Variants in NFIA observed in about 807,000 individuals in gnomAD.
NFIA encodes the protein nuclear factor I A, also known as nuclear factor 1 A-type.
NFIA carries 8 observed loss-of-function variants against 62.8 expected under a neutral mutation model. That is an observed-to-expected ratio of 0.13 (90% CI 0.07 to 0.23). NFIA has a LOEUF of 0.23. Among genes scored for constraint, NFIA ranks in the 10% least tolerant of loss-of-function variants. The pLI is 1.00. For synonymous variants in NFIA, 235 were observed against 238.1 expected (o/e 0.99, Z 0.12); for missense variants, 410 against 642.1 (o/e 0.64, Z 3.91).
rs1646268215 is a variant in NFIA at position 61,088,953 on chromosome 1, A to G, written c.559+273A>G. ...TGATATGTTTAAATCACATTTTTTG[A>G]TGAGGGGATGAGAGAAGCCTCGTGA... is the stretch of plus-strand genomic sequence containing the variant. On this transcript the variant is annotated intron_variant, in intron 2 of 10. Coordinates refer to ENST00000403491, the MANE Select transcript of NFIA (RefSeq NM_001134673.4). This position sits in a 1 kb window ranked among gnomAD's most constrained non-coding sequence, Gnocchi z 4.5. Among the ~76,000 whole-genome samples, 1 of 152,204 alleles carries G rather than the reference A, an allele frequency of 6.6e-6. No individual in the cohort carries two copies. The highest frequency in any genetic ancestry group is 1.5e-5 in the Non-Finnish European group (1 of 68,034).
rs1665712349 is a variant in NFIA at position 61,404,268 on chromosome 1, G to T, written c.1240G>T (p.Val414Leu). 1 of 1,609,098 alleles carries T rather than the reference G, an allele frequency of 6.2e-7. No individual in the cohort carries two copies. Among genetic ancestry groups the T allele is most frequent in the African/African-American group, 1.3e-5 (1 of 74,596 alleles). The change falls in exon 8 of 11, where the codon GTG (valine) becomes TTG (leucine). Residue 414 changes from valine to leucine, a missense_variant. Around this residue, in one of 3 missense-constraint regions of NFIA, gnomAD observed 298 missense variants for 438.1 expected, o/e 0.68. Coordinates refer to ENST00000403491, the MANE Select transcript of NFIA (RefSeq NM_001134673.4). ...TGATGCTGGTCAGCAGGCTGGACAG[G>T]TGGGGTTCCTCAATGTAAGGAAACC... is the stretch of plus-strand genomic sequence containing the variant. ...CPDAGQQAGQ[V>L]GFLNPNGSSQ... is the part of the protein sequence containing the mutation.
Position 61,173,544 on chromosome 1 carries a change from A to G in NFIA, c.559+84864A>G, listed in dbSNP as rs533511528. Among the ~76,000 whole-genome samples the G allele has an allele frequency of 2.0e-5, 3 of 152,032 alleles. No homozygotes were observed. The South Asian group carries it at 6.2e-4, about 32-fold the overall frequency. On this transcript the variant is annotated intron_variant, in intron 2 of 10. Transcript: ENST00000403491. ...CTGGGATTACAGACATTGCACCACT[A>G]TGCCCTGCTAATTTTTTTGTATTTT...
chr1:61,279,693 C>A (rs1397994134), intron 3 of NFIA, among the ~76,000 whole-genome samples: 1 of 152,164 alleles, frequency 6.6e-6, no homozygotes, highest in Non-Finnish European at 1.5e-5. Context: ...CTCTAGCAGG[C>A]CTGTGATTCA....
At chr1:61,439,542 C>T (rs115713746) in intron 10 of NFIA, 34 of 152,252 alleles carry the variant, frequency 2.2e-4, no homozygotes, top group African/African-American at 5.8e-4. Flanking sequence ...CTCCCTATCT[C>T]GCTGCTTTGG....
At chr1:61,417,696 G>A (rs1433387547) in intron 9 of NFIA, among the ~76,000 whole-genome samples, 3 of 152,032 alleles carry the variant, frequency 2.0e-5, no homozygotes, top group African/African-American at 7.2e-5. Flanking sequence ...TTGTTGGAAG[G>A]CAAATGTGTT....
intron 2 of NFIA, among the ~76,000 whole-genome samples, chr1:61,133,650 A>G (rs1205242006): frequency 6.6e-6 from 1 of 152,220 alleles, no homozygotes. Context: ...TTAATCAAGA[A>G]TATATTGTTG....
intron 7 of NFIA, among the ~76,000 whole-genome samples, chr1:61,400,585 TA>T (rs1665502731): frequency 6.6e-6 from 1 of 152,342 alleles, no homozygotes; most frequent in Non-Finnish European, 1.5e-5. Context: ...ATGCACATTT[TA>T]AAGGATCTAA....
At chr1:61,358,453 C>A (rs1184685009) in intron 5 of NFIA, among the ~76,000 whole-genome samples, 1 of 130,068 alleles carries the variant, frequency 7.7e-6, no homozygotes, top group African/African-American at 3.0e-5. Flanking sequence ...GTGGCACGAT[C>A]TCGGCTCACT....
chr1:61,095,100 T>G (rs1034295099), intron 2 of NFIA, among the ~76,000 whole-genome samples: 5 of 152,252 alleles, frequency 3.3e-5, no homozygotes, highest in African/African-American at 1.2e-4. Flanking sequence ...GAGATTGAAG[T>G]GGAATAACTG....
At position 61,088,422 on chromosome 1, in the gene NFIA, C is replaced by T. The variant is rs1204944742; in HGVS notation, c.301C>T (p.Pro101Ser). 6.2e-7 allele frequency: 1 copy of T among 1,613,956 alleles called. No individual in the cohort carries two copies. The highest frequency in any genetic ancestry group is 8.5e-7 in the Non-Finnish European group (1 of 1,179,990). Residue 101 changes from proline (P) to serine (S), a missense_variant, in exon 2 of 11, where the codon CCA (proline) becomes TCA (serine). Coordinates refer to ENST00000403491, the MANE Select transcript of NFIA (RefSeq NM_001134673.4). This position sits in a 1 kb window ranked among gnomAD's most constrained non-coding sequence, Gnocchi z 4.5. ...TCTTACAGTTACAGGGAAAAAACCT[C>T]CATGTTGTGTTCTTTCCAACCCAGA... ...FVLTVTGKKP[P>S]CCVLSNPDQK... is the part of the protein sequence containing the mutation.
rs1344352252 is a variant in NFIA at position 61,421,704 on chromosome 1, G to A, written c.1421-4761G>A. The stretch of plus-strand genomic sequence containing the variant: ...AGCCTCAGGTGAAACCAGCCACTTA[G>A]CCTCCTTCTGGGCACCCTGTGGGTA... On this transcript the variant is annotated intron_variant, in intron 9 of 10. Coordinates refer to ENST00000403491, the MANE Select transcript of NFIA (RefSeq NM_001134673.4). 5.9e-5 allele frequency among the ~76,000 whole-genome samples: 9 copies of A among 152,330 alleles called. No individual in the cohort carries two copies. In the East Asian group the frequency reaches 1.4e-3, roughly 23 times the overall value.
At chr1:61,332,253 A>G (rs187821232) in intron 3 of NFIA, among the ~76,000 whole-genome samples, 117 of 152,300 alleles carry the variant, frequency 7.7e-4, no homozygotes, top group Admixed American at 2.7e-3. Flanking sequence ...CTTTTGTTTC[A>G]TATTTCCGGT....
At chr1:61,112,878 A>T (rs1183186455) in intron 2 of NFIA, among the ~76,000 whole-genome samples, 1 of 152,174 alleles carries the variant, frequency 6.6e-6, no homozygotes, top group Non-Finnish European at 1.5e-5. Flanking sequence ...ATATATGGAC[A>T]TACAATGTCA....
At chr1:61,204,160 T>C (rs995391611) in intron 2 of NFIA, among the ~76,000 whole-genome samples, 1 of 152,238 alleles carries the variant, frequency 6.6e-6, no homozygotes, top group African/African-American at 2.4e-5. Flanking sequence ...AAGTGACCCC[T>C]GCTTTCCTCT....
chr1:61,128,268 G>A (rs991560016), intron 2 of NFIA, among the ~76,000 whole-genome samples: 2 of 151,998 alleles, frequency 1.3e-5, no homozygotes, highest in African/African-American at 4.8e-5. Flanking sequence ...TTAATAAATT[G>A]TAAGGAGGAA....
chr1:61,350,459 C>T (rs1000265026), intron 4 of NFIA, among the ~76,000 whole-genome samples: 2 of 152,062 alleles, frequency 1.3e-5, no homozygotes, highest in Non-Finnish European at 2.9e-5. Context: ...GGTAAGGACC[C>T]ATCTCTACAA....
chr1:61,121,454 T>C (rs567213231), intron 2 of NFIA, among the ~76,000 whole-genome samples: 5 of 152,176 alleles, frequency 3.3e-5, no homozygotes, highest in African/African-American at 9.6e-5. Flanking sequence ...AACAGAGTTA[T>C]AGGTTTTAAA....
At chr1:61,169,798 C>G (rs1649827486) in intron 2 of NFIA, among the ~76,000 whole-genome samples, 1 of 152,054 alleles carries the variant, frequency 6.6e-6, no homozygotes. Context: ...TTGGTGTTCT[C>G]TGTGAATCCT....
At chr1:61,329,952 T>C (rs1661202553) in intron 3 of NFIA, among the ~76,000 whole-genome samples, 2 of 152,074 alleles carry the variant, frequency 1.3e-5, no homozygotes, top group Non-Finnish European at 1.5e-5. Context: ...AGGAGGGTGA[T>C]GGAGACATAC....
Sources: gnomAD v4.1 joint callset for allele counts (sites outside exome capture counted in the v4.1 genomes callset) on GRCh38, gnomAD v4.1.1 for gene constraint, gnomAD v4.1.1 regional missense constraint, Gnocchi (gnomAD v3.1) non-coding constraint, MANE v1.5 for transcripts, NCBI Gene and HGNC (gene_info 2026-07-23, HGNC 2026-07-21) for gene names.